Variants in RD3 observed in about 807,000 individuals in gnomAD.
RD3 encodes the protein RD3 regulator of GUCY2D, also known as protein RD3.
In RD3, 11 loss-of-function variants were observed where a neutral mutation model predicts 16.9. That is an observed-to-expected ratio of 0.65 (90% CI 0.41 to 1.08). The LOEUF is 1.08. Among genes scored for constraint, RD3 ranks in the 50% least tolerant of loss-of-function variants. RD3 has a pLI of 0.00. For missense variants in RD3, 274 were observed against 267.4 expected, an observed-to-expected ratio of 1.02 and a Z score of -0.17; for synonymous variants, 116 against 114.8, an observed-to-expected ratio of 1.01 and a Z score of -0.07.
intron 1 of RD3, among the ~76,000 whole-genome samples, chr1:211,490,417 A>T (rs1304018508): frequency 6.6e-6 from 1 of 152,246 alleles, no homozygotes; most frequent in Non-Finnish European, 1.5e-5. Flanking sequence ...AGGCATCTGC[A>T]GGCCAGGGTG....
In RD3 at chr1:211,485,823, T is replaced by G. The variant is rs186303053; in HGVS notation, c.-11-4397A>C. Among the ~76,000 whole-genome samples, 8 of 152,262 alleles carry G rather than the reference T, an allele frequency of 5.3e-5. No individual in the cohort carries two copies. In the South Asian group the frequency reaches 8.3e-4, roughly 16 times the overall value. On this transcript the variant is annotated intron_variant, in intron 1 of 2. Coordinates refer to ENST00000680073, the MANE Select transcript of RD3 (RefSeq NM_001164688.2). ...CACTCAGTCAAAGGCACTTACAACC[T>G]GCCTCAAACACATGAACACTGATTG...
At chr1:211,483,727 T>C (rs1177092066) in intron 1 of RD3, among the ~76,000 whole-genome samples, 1 of 152,104 alleles carries the variant, frequency 6.6e-6, no homozygotes, top group East Asian at 1.9e-4. Flanking sequence ...CAGAGAGCCA[T>C]GAGCATCAGG....
chr1:211,488,527 T>A, intron 1 of RD3, among the ~76,000 whole-genome samples: 1 of 120,880 alleles, frequency 8.3e-6, no homozygotes, highest in South Asian at 2.8e-4. Context: ...AGAACAAGAC[T>A]CTGTCAAAAA....
At position 211,476,743 on chromosome 1, in the gene RD3, G is replaced by A. The variant is rs1705156047; in HGVS notation, c.*2293C>T. On this transcript the variant is annotated 3_prime_UTR_variant, in exon 3 of 3. Transcript: ENST00000680073. ...GCGGCTCGAAGGGAAGGTTTTCATTGGCAGCCAGTTACTTAAACTTAAGAA... is the reference window on the plus strand; with the variant it reads ...GCGGCTCGAAGGGAAGGTTTTCATTAGCAGCCAGTTACTTAAACTTAAGAA... The A allele has an allele frequency of 6.6e-6, 1 of 152,134 alleles. No homozygotes were observed. The highest frequency in any genetic ancestry group is 2.1e-4 in the South Asian group (1 of 4,824). The allele number at this position is 152,134 out of a possible 1,614,324, so 9.4% of individuals were successfully genotyped here. A position where few individuals can be genotyped will look rare whatever the true frequency, so the allele number is the denominator to read the frequency against.
intron 1 of RD3, among the ~76,000 whole-genome samples, chr1:211,486,753 G>A (rs533763853): frequency 6.6e-6 from 1 of 151,748 alleles, no homozygotes; most frequent in South Asian, 2.1e-4. Flanking sequence ...TAAGGCAGGA[G>A]AATGGCTTGA....
chr1:211,481,011 A>T (rs1432255989), intron 2 of RD3, 109 bp downstream of exon 2: 1 of 1,123,966 alleles, frequency 8.9e-7, no homozygotes. Context: ...ACAGATAACT[A>T]GGTCATCCAG....
At position 211,481,206 on chromosome 1, in the gene RD3, G is replaced by C; in HGVS notation, c.210C>G (p.Thr70=). 1.2e-6 allele frequency: 2 copies of C among 1,614,258 alleles called. No homozygotes were observed. Among genetic ancestry groups the C allele is most frequent in the Non-Finnish European group, 1.7e-6 (2 of 1,180,048 alleles). ...YSWLASTPRS[T]YDLSPIERLQ... Reference sequence around the variant, plus strand: ...ACCGCTCAATGGGGCTGAGGTCATAGGTGGACCGGGGTGTGCTGGCCAGCC... The same window carrying C: ...ACCGCTCAATGGGGCTGAGGTCATACGTGGACCGGGGTGTGCTGGCCAGCC... The change falls in exon 2 of 3, where the codon ACC becomes ACG. Residue 70 remains threonine, a synonymous_variant. Transcript: ENST00000680073.
At chr1:211,480,297 A>G (rs560906227) in intron 2 of RD3, among the ~76,000 whole-genome samples, 3 of 152,276 alleles carry the variant, frequency 2.0e-5, no homozygotes, top group South Asian at 4.1e-4. Context: ...GGGCTGAAGA[A>G]GGTGAAAGGG....
chr1:211,483,343 T>C (rs1292015820), intron 1 of RD3, among the ~76,000 whole-genome samples: 1 of 151,734 alleles, frequency 6.6e-6, no homozygotes, highest in East Asian at 1.9e-4. Context: ...ATGCCTGTAG[T>C]CCCAGCTACT....
intron 2 of RD3, 114 bp from the exon 3 acceptor site, chr1:211,479,441 T>C (rs1328637619): frequency 5.4e-6 from 5 of 930,716 alleles, no homozygotes; most frequent in African/African-American, 1.7e-5. Context: ...TAGTCCACTC[T>C]ACTCTGCTCC....
At chr1:211,488,686 C>T (rs551131143) in intron 1 of RD3, among the ~76,000 whole-genome samples, 21 of 152,310 alleles carry the variant, frequency 1.4e-4, no homozygotes, top group Non-Finnish European at 2.6e-4. Context: ...AGACCCCTAT[C>T]CATCTTGGGG....
In RD3 at chr1:211,478,735, T is replaced by C; in HGVS notation, c.*301A>G. On this transcript the variant is annotated 3_prime_UTR_variant, in exon 3 of 3. Transcript: ENST00000680073. ...TTTAGACAGAACCAGGAGATGAGGA[T>C]GGGGCAATGGTCTGTCTTCCAAAAC... The C allele has an allele frequency of 2.4e-6, 1 of 413,722 alleles. No homozygotes were observed. The highest frequency in any genetic ancestry group is 4.3e-6 in the Non-Finnish European group (1 of 231,400). The allele number at this position is 413,722 out of a possible 1,614,324, so 25.6% of individuals were successfully genotyped here.
At chr1:211,483,263 A>G (rs1705311826) in intron 1 of RD3, among the ~76,000 whole-genome samples, 2 of 151,198 alleles carry the variant, frequency 1.3e-5, no homozygotes, top group Non-Finnish European at 2.9e-5. Flanking sequence ...GGAGTTTGAG[A>G]CCATCCTGGC....
At chr1:211,480,651 TAC>T (rs3041254) in intron 2 of RD3, among the ~76,000 whole-genome samples, 8,634 of 148,830 alleles carry the variant, frequency 0.058, 290 homozygotes, top group Middle Eastern at 0.096. Context: ...GAACCCTTCC[TAC>T]ACACACACAC....
At chr1:211,483,311 A>G (rs1290320289) in intron 1 of RD3, among the ~76,000 whole-genome samples, 1 of 149,718 alleles carries the variant, frequency 6.7e-6, no homozygotes, top group Non-Finnish European at 1.5e-5. Flanking sequence ...AGAATACAAA[A>G]ATTAGCTGGG....
At chr1:211,485,489 G>A (rs1705355750) in intron 1 of RD3, among the ~76,000 whole-genome samples, 1 of 152,186 alleles carries the variant, frequency 6.6e-6, no homozygotes, top group South Asian at 2.1e-4. Flanking sequence ...AGGAAGAACA[G>A]AGACAGAGAG....
At chr1:211,491,199 CCACT>C (rs1224087769) in intron 1 of RD3, among the ~76,000 whole-genome samples, 1 of 152,164 alleles carries the variant, frequency 6.6e-6, no homozygotes, top group African/African-American at 2.4e-5. Context: ...CTGCCTGGGC[CCACT>C]CTCCTGGGCA....
Position 211,491,966 on chromosome 1 carries a change from C to T in RD3, c.-210G>A, listed in dbSNP as rs985092962. The T allele has an allele frequency of 6.6e-6, 1 of 152,220 alleles. No homozygotes were observed. The highest frequency in any genetic ancestry group is 6.5e-5 in the Admixed American group (1 of 15,268). The allele number at this position is 152,220 out of a possible 1,614,324, so 9.4% of individuals were successfully genotyped here. ...TGCCGGCTGGCCTCAAATTTTGCCT[C>T]TCTTTGGTTCTCTGAGAAGTTTTAC... On this transcript the variant is annotated 5_prime_UTR_variant, in exon 1 of 3. Coordinates refer to ENST00000680073, the MANE Select transcript of RD3 (RefSeq NM_001164688.2).
chr1:211,487,168 T>C (rs1250256586), intron 1 of RD3, among the ~76,000 whole-genome samples: 1 of 152,182 alleles, frequency 6.6e-6, no homozygotes, highest in Non-Finnish European at 1.5e-5. Flanking sequence ...TTCTTCCCCT[T>C]TCTTAAGACC....
Sources: gnomAD v4.1 joint callset for allele counts (sites outside exome capture counted in the v4.1 genomes callset) on GRCh38, gnomAD v4.1.1 for gene constraint, MANE v1.5 for transcripts, NCBI Gene and HGNC (gene_info 2026-07-23, HGNC 2026-07-21) for gene names.